CALN1: variants seen among roughly 807,000 people sequenced by gnomAD.
The protein encoded by CALN1 is calneuron 1, also known as calcium-binding protein 8.
A neutral mutation model predicts 30.6 loss-of-function variants in CALN1; 17 were observed. That is an observed-to-expected ratio of 0.56 (90% CI 0.38 to 0.83). The LOEUF (loss-of-function observed/expected upper bound fraction) is 0.83, where lower values mean the gene tolerates loss of function less well. CALN1 is among the 40% of genes least tolerant of loss of function. CALN1 has a pLI of 0.00. For synonymous variants in CALN1, 156 were observed against 131.4 expected (o/e 1.19, Z -1.28); for missense variants, 291 against 354.9 (o/e 0.82, Z 1.45).
Position 72,067,567 on chromosome 7 carries a change from T to C in CALN1, c.388+38584A>G, listed in dbSNP as rs943906867. Reference sequence around the variant, plus strand: ...TCTCAGCCACTCCATAATTTTTCTATGACTCTCTCAAGCCTCCAGAGCACT... The same window carrying C: ...TCTCAGCCACTCCATAATTTTTCTACGACTCTCTCAAGCCTCCAGAGCACT... On this transcript the variant is annotated intron_variant, in intron 4 of 6. Coordinates refer to ENST00000395275, the MANE Select transcript of CALN1 (RefSeq NM_031468.4). 1.2e-4 allele frequency among the ~76,000 whole-genome samples: 19 copies of C among 152,156 alleles called. 2 individuals carry two copies. The highest frequency in any genetic ancestry group is 1.2e-3 in the Admixed American group (18 of 15,274).
chr7:72,170,823 T>TGTG (rs1268496221), intron 3 of CALN1, among the ~76,000 whole-genome samples: 1 of 152,198 alleles, frequency 6.6e-6, no homozygotes, highest in Non-Finnish European at 1.5e-5. Flanking sequence ...AACTCATACT[T>TGTG]GTGGATACTT....
At chr7:72,104,986 A>C (rs1806977351) in intron 4 of CALN1, among the ~76,000 whole-genome samples, 2 of 152,116 alleles carry the variant, frequency 1.3e-5, no homozygotes, top group African/African-American at 4.8e-5. Context: ...AATACAATTA[A>C]AAAAATTAAA....
intron 3 of CALN1, among the ~76,000 whole-genome samples, chr7:72,173,236 A>G (rs573453682): frequency 1.3e-5 from 2 of 152,272 alleles, no homozygotes; most frequent in African/African-American, 4.8e-5. Context: ...TAAAGTACAT[A>G]TGAATAAAAC....
intron 4 of CALN1, among the ~76,000 whole-genome samples, chr7:72,057,113 A>T (rs538276694): frequency 1.3e-3 from 88 of 65,570 alleles, no homozygotes; most frequent in African/African-American, 6.8e-3. Context: ...CCTGTTTTTT[A>T]AAAAAAAAAA....
intron 2 of CALN1, among the ~76,000 whole-genome samples, chr7:72,354,889 CT>C (rs543873177): frequency 0.05 from 7,152 of 143,978 alleles, 240 homozygotes; most frequent in Middle Eastern, 0.13. Context: ...GCAAAAATTT[CT>C]TTTTTTTTTT....
At chr7:72,258,827 C>A (rs1796092954) in intron 3 of CALN1, among the ~76,000 whole-genome samples, 1 of 150,266 alleles carries the variant, frequency 6.7e-6, no homozygotes, top group African/African-American at 2.5e-5. Flanking sequence ...CTGAGACGGG[C>A]AGATCACCCA....
At chr7:72,105,291 A>T (rs963251565) in intron 4 of CALN1, among the ~76,000 whole-genome samples, 1 of 152,020 alleles carries the variant, frequency 6.6e-6, no homozygotes, top group Admixed American at 6.5e-5. Flanking sequence ...CCTTCCACTT[A>T]TATTTGTCCA....
chr7:71,824,206 G>A (rs1036316304), intron 5 of CALN1, among the ~76,000 whole-genome samples: 4 of 151,676 alleles, frequency 2.6e-5, no homozygotes, highest in Non-Finnish European at 5.9e-5. Flanking sequence ...GTTGGATAAT[G>A]TATGCAGAAT....
chr7:72,464,620 T>C, the CALN1 span, among the ~76,000 whole-genome samples: 1 of 152,126 alleles, frequency 6.6e-6, no homozygotes, highest in Non-Finnish European at 1.5e-5. Flanking sequence ...AGATCATACA[T>C]TGAACCTGCA....
At chr7:72,461,964 C>A in the CALN1 span, among the ~76,000 whole-genome samples, 1 of 151,736 alleles carries the variant, frequency 6.6e-6, no homozygotes, top group African/African-American at 2.4e-5. Context: ...GCCAAGATTG[C>A]GCCACCGCAC....
chr7:71,830,513 A>G (rs1789208906), intron 5 of CALN1, among the ~76,000 whole-genome samples: 1 of 149,682 alleles, frequency 6.7e-6, no homozygotes, highest in Non-Finnish European at 1.5e-5. Flanking sequence ...ATGCCTGGCT[A>G]ATTTTTGTAC....
chr7:72,499,951 G>A, the CALN1 span, among the ~76,000 whole-genome samples: 1 of 145,792 alleles, frequency 6.9e-6, no homozygotes, highest in South Asian at 2.2e-4. Flanking sequence ...TCGCTCTGTT[G>A]CCCTGGCTGA....
In CALN1 at chr7:72,113,431, C is replaced by T. The variant is rs373129936; in HGVS notation, c.245-7137G>A. ...CTGGTGCCATGCTTCTTATACAGTCCGCAAACCATGAGCCAAATATATATT... is the reference window on the plus strand; with the variant it reads ...CTGGTGCCATGCTTCTTATACAGTCTGCAAACCATGAGCCAAATATATATT... On this transcript the variant is annotated intron_variant, in intron 3 of 6. Coordinates refer to ENST00000395275, the MANE Select transcript of CALN1 (RefSeq NM_031468.4). Among the ~76,000 whole-genome samples the T allele has an allele frequency of 2.3e-4, 35 of 152,246 alleles. No homozygotes were observed. The South Asian group carries it at 2.7e-3, about 12-fold the overall frequency.
intron 2 of CALN1, among the ~76,000 whole-genome samples, chr7:72,378,250 T>C (rs917363573): frequency 2.0e-4 from 30 of 152,186 alleles, no homozygotes; most frequent in Non-Finnish European, 1.2e-4. Context: ...ATGAGGTTTA[T>C]TCTATTACCA....
intron 5 of CALN1, among the ~76,000 whole-genome samples, chr7:71,982,528 A>AG (rs1166136155): frequency 1.3e-5 from 2 of 152,210 alleles, no homozygotes; most frequent in African/African-American, 2.4e-5. Context: ...GGGGAGGCAG[A>AG]GGTTGCAGTG....
intron 5 of CALN1, among the ~76,000 whole-genome samples, chr7:71,945,935 C>T (rs768183500): frequency 3.9e-5 from 6 of 152,156 alleles, no homozygotes; most frequent in Admixed American, 6.5e-5. Context: ...GGTTGGGGAC[C>T]GCTGCTCCAG....
chr7:72,201,341 C>G (rs1791400021), intron 3 of CALN1, among the ~76,000 whole-genome samples: 1 of 152,124 alleles, frequency 6.6e-6, no homozygotes, highest in Admixed American at 6.6e-5. Flanking sequence ...GTAATCTCAG[C>G]ACTTTGGGAG....
At chr7:72,059,732 T>C (rs1803519278) in intron 4 of CALN1, among the ~76,000 whole-genome samples, 1 of 152,122 alleles carries the variant, frequency 6.6e-6, no homozygotes, top group Non-Finnish European at 1.5e-5. Context: ...AGTCCTCCTG[T>C]AATTTCCCAT....
chr7:71,828,143 C>T (rs1789040280), intron 5 of CALN1, among the ~76,000 whole-genome samples: 1 of 152,154 alleles, frequency 6.6e-6, no homozygotes, highest in African/African-American at 2.4e-5. Flanking sequence ...CCATTAGTAG[C>T]TCTCTGCTCC....
Sources: gnomAD v4.1 joint callset for allele counts (sites outside exome capture counted in the v4.1 genomes callset) on GRCh38, gnomAD v4.1.1 for gene constraint, MANE v1.5 for transcripts, NCBI Gene and HGNC (gene_info 2026-07-23, HGNC 2026-07-21) for gene names.